The following PCNX1 variants were observed in gnomAD, a reference collection of about 807,000 sequenced individuals.
The protein encoded by PCNX1 is pecanex 1.
PCNX1 carries 78 observed loss-of-function variants against 242.2 expected under a neutral mutation model. That is an observed-to-expected ratio of 0.32 (90% CI 0.27 to 0.39). The LOEUF is 0.39. PCNX1 is among the 10% of genes least tolerant of loss of function. The pLI, the probability that PCNX1 is intolerant of heterozygous loss-of-function variation, is 1.00. For missense variants in PCNX1, 2,581 were observed against 2,856.5 expected, an observed-to-expected ratio of 0.90 and a Z score of 2.20; for synonymous variants, 1,024 against 1,032.9, an observed-to-expected ratio of 0.99 and a Z score of 0.17.
rs1354754764 is a variant in PCNX1, at chr14:70,988,780, T to A, written c.2444+81T>A. ...TGTTCCGCCAGTCCCAAGAAAGCATTTGAAGAGCTTTGTTTTTCTTTTCCT... is the reference window on the plus strand; with the variant it reads ...TGTTCCGCCAGTCCCAAGAAAGCATATGAAGAGCTTTGTTTTTCTTTTCCT... On this transcript the variant is annotated intron_variant, in intron 7 of 35. Coordinates refer to ENST00000304743, the MANE Select transcript of PCNX1 (RefSeq NM_014982.3). The A allele has an allele frequency of 3.4e-6, 5 of 1,463,140 alleles. No homozygotes were observed. In the African/African-American group the frequency reaches 7.0e-5, roughly 21 times the overall value. 90.6% of individuals were successfully genotyped at this position (1,463,140 alleles called of 1,614,324 possible).
At chr14:71,079,932 A>G (rs1219983716) in intron 28 of PCNX1, among the ~76,000 whole-genome samples, 1 of 152,202 alleles carries the variant, frequency 6.6e-6, no homozygotes, top group Non-Finnish European at 1.5e-5. Context: ...TGTTTTAGTC[A>G]TGAAGTCTTT....
chr14:71,068,044 G>A lies in PCNX1; in HGVS notation c.4853-5501G>A, dbSNP rs1030388981. On this transcript the variant is annotated intron_variant, in intron 26 of 35. Transcript: ENST00000304743. ...TACTGATATCAAAATGTGACTAAGT[G>A]GGTTGGGCACAGTGGCTCACACCCA... Among the ~76,000 whole-genome samples the A allele has an allele frequency of 2.6e-5, 4 of 152,042 alleles. No homozygotes were observed. In the South Asian group the frequency reaches 6.2e-4, roughly 24 times the overall value.
intron 26 of PCNX1, among the ~76,000 whole-genome samples, chr14:71,065,371 G>A (rs543074704): frequency 1.3e-5 from 2 of 152,210 alleles, no homozygotes; most frequent in African/African-American, 4.8e-5. Context: ...AATGACCACT[G>A]ATGATGAGCT....
rs1392603047 is a variant in PCNX1, at chr14:70,978,482, C to A, written c.2145C>A (p.Pro715=). ...TAATGGCACCTGAAAGTATAAAGCC[C>A]TTAACCACTTCAAAATCAGATCTTG... ...NRLMAPESIK[P]LTTSKSDLEA... The change falls in exon 6 of 36, where the codon CCC becomes CCA. Residue 715 remains proline, a synonymous_variant. Transcript: ENST00000304743. 6.2e-6 allele frequency: 10 copies of A among 1,614,014 alleles called. No individual in the cohort carries two copies. The highest frequency in any genetic ancestry group is 8.5e-6 in the Non-Finnish European group (10 of 1,180,012).
chr14:70,989,790 G>A (rs1368229823), intron 7 of PCNX1, among the ~76,000 whole-genome samples: 1 of 151,888 alleles, frequency 6.6e-6, no homozygotes, highest in African/African-American at 2.4e-5. Context: ...CCTTGGCCTC[G>A]CAAAGTGCTG....
intron 2 of PCNX1, among the ~76,000 whole-genome samples, chr14:70,960,586 A>C (rs950633018): frequency 6.6e-6 from 1 of 152,036 alleles, no homozygotes; most frequent in African/African-American, 2.4e-5. Flanking sequence ...AACTGGAAGC[A>C]TTCCCTTTGA....
intron 5 of PCNX1, 78 bp from the exon 6 acceptor site, chr14:70,976,864 G>C (rs925284297): frequency 8.1e-7 from 1 of 1,236,502 alleles, no homozygotes; most frequent in Admixed American, 2.1e-5. Flanking sequence ...TGTATGCAGT[G>C]AATTCTTTCC....
chr14:70,924,530 CTT>C (rs2056511976), intron 1 of PCNX1, among the ~76,000 whole-genome samples: 1 of 152,100 alleles, frequency 6.6e-6, no homozygotes, highest in Non-Finnish European at 1.5e-5. Flanking sequence ...CCATCCAAAA[CTT>C]TTGATTTTAG....
At chr14:70,929,606 G>A (rs1261128582) in intron 1 of PCNX1, among the ~76,000 whole-genome samples, 2 of 152,156 alleles carry the variant, frequency 1.3e-5, no homozygotes, top group Non-Finnish European at 2.9e-5. Context: ...GTAGCTTATG[G>A]AGATAAGAAT....
At chr14:70,917,816 A>G (rs1297148294) in intron 1 of PCNX1, among the ~76,000 whole-genome samples, 1 of 152,228 alleles carries the variant, frequency 6.6e-6, no homozygotes, top group Non-Finnish European at 1.5e-5. Context: ...TGGCTATGAA[A>G]GGCCTAGATG....
chr14:70,964,566 T>A (rs138454050), intron 3 of PCNX1, among the ~76,000 whole-genome samples: 1 of 152,324 alleles, frequency 6.6e-6, no homozygotes, highest in African/African-American at 2.4e-5. Context: ...ACGTAGGTAG[T>A]ATCAGACCCC....
Position 71,025,343 on chromosome 14 carries a change from T to C in PCNX1, c.3184-774T>C, listed in dbSNP as rs376033728. Among the ~76,000 whole-genome samples, 3 of 152,336 alleles carry C rather than the reference T, an allele frequency of 2.0e-5. 1 individual carries two copies. Among genetic ancestry groups the C allele is most frequent in the African/African-American group, 7.2e-5 (3 of 41,592 alleles). The stretch of plus-strand genomic sequence containing the variant: ...TCTCTGTCATTCTTTAAGTACTTTC[T>C]ACCTTTTTGTCACAACAATATGTTC... On this transcript the variant is annotated intron_variant, in intron 13 of 35. Transcript: ENST00000304743.
intron 26 of PCNX1, among the ~76,000 whole-genome samples, chr14:71,072,645 A>G (rs2061612972): frequency 6.6e-6 from 1 of 152,238 alleles, no homozygotes; most frequent in Admixed American, 6.5e-5. Context: ...TAAAGAAAAA[A>G]AATTATTGTG....
intron 19 of PCNX1, among the ~76,000 whole-genome samples, chr14:71,040,708 T>G (rs1053312960): frequency 3.3e-5 from 5 of 152,162 alleles, no homozygotes; most frequent in African/African-American, 1.2e-4. Context: ...CTTAGTTATT[T>G]TTAATGTACA....
At chr14:71,093,736 CCT>C (rs2062198796) in intron 30 of PCNX1, 1 of 152,270 alleles carries the variant, frequency 6.6e-6, no homozygotes, top group African/African-American at 2.4e-5. Context: ...ACCTCCTCCA[CCT>C]CTGAGACTGC....
chr14:71,035,296 A>G (rs2060497925), intron 18 of PCNX1, among the ~76,000 whole-genome samples: 1 of 152,212 alleles, frequency 6.6e-6, no homozygotes, highest in Non-Finnish European at 1.5e-5. Flanking sequence ...AAACTTACCA[A>G]TGGGGGAATA....
chr14:70,962,027 G>T (rs1343658002), intron 2 of PCNX1, among the ~76,000 whole-genome samples, 199 bp from the exon 3 acceptor site: 1 of 151,328 alleles, frequency 6.6e-6, no homozygotes, highest in Non-Finnish European at 1.5e-5. Context: ...TTCAAGTAGT[G>T]ATGTGGTTAT....
Position 70,908,066 on chromosome 14 carries a change from T to A in PCNX1, c.153+63T>A, listed in dbSNP as rs529606257. 4.9e-5 allele frequency: 71 copies of A among 1,452,066 alleles called. No homozygotes were observed. In the East Asian group the frequency reaches 1.7e-3, roughly 35 times the overall value. 89.9% of individuals were successfully genotyped at this position (1,452,066 alleles called of 1,614,324 possible). Reference sequence around the variant, plus strand: ...GCGAGCCGGTGGGGAGATGCTGGGGTCGCGCCCTCTTCCTCTTCCACGGGG... The same window carrying A: ...GCGAGCCGGTGGGGAGATGCTGGGGACGCGCCCTCTTCCTCTTCCACGGGG... On this transcript the variant is annotated intron_variant, in intron 1 of 35. Transcript: ENST00000304743.
In PCNX1 at chr14:71,110,014, T is replaced by C. The variant is rs1410752469; in HGVS notation, c.*79T>C. The stretch of plus-strand genomic sequence containing the variant: ...GAAAAAGAGAGGAACAAGCAGAAGA[T>C]GCCTGCAGGTATCACTTTGATCCTA... On this transcript the variant is annotated 3_prime_UTR_variant, in exon 36 of 36. Transcript: ENST00000304743. The C allele has an allele frequency of 8.1e-7, 1 of 1,241,780 alleles. No homozygotes were observed. Among genetic ancestry groups the C allele is most frequent in the Non-Finnish European group, 1.2e-6 (1 of 845,256 alleles). The allele number at this position is 1,241,780 out of a possible 1,614,324, so 76.9% of individuals were successfully genotyped here. A position where few individuals can be genotyped will look rare whatever the true frequency, so the allele number is the denominator to read the frequency against.
Sources: allele counts gnomAD v4.1 joint callset (sites outside exome capture counted in the v4.1 genomes callset), GRCh38; gene constraint gnomAD v4.1.1; transcripts MANE v1.5; gene names NCBI Gene and HGNC (gene_info 2026-07-23, HGNC 2026-07-21).